The following CNPY3 variants were observed in gnomAD, a reference collection of about 807,000 sequenced individuals.
CNPY3 encodes canopy FGF signaling regulator 3.
Under a neutral mutation model 32.0 loss-of-function variants are expected in CNPY3, and 20 were observed. The observed-to-expected ratio is 0.63, with a 90% CI of 0.44 to 0.91. The LOEUF (loss-of-function observed/expected upper bound fraction) is 0.91, where lower values mean the gene tolerates loss of function less well. Among genes scored for constraint, CNPY3 ranks in the 40% least tolerant of loss-of-function variants. The pLI is 0.00. For missense variants in CNPY3, 299 were observed against 340.8 expected (o/e 0.88, Z 0.97); for synonymous variants, 138 against 142.9 (o/e 0.97, Z 0.24).
At chr6:42,931,653 A>G (rs1680340822) in intron 1 of CNPY3, among the ~76,000 whole-genome samples, 1 of 150,764 alleles carries the variant, frequency 6.6e-6, no homozygotes, top group Admixed American at 6.6e-5. Context: ...GAGCCACTGC[A>G]CCCAGCCCAG....
In CNPY3 at chr6:42,935,639, A is replaced by C; in HGVS notation, c.341A>C (p.Lys114Thr). The change falls in exon 3 of 6, where the codon AAG becomes ACG. Residue 114 changes from lysine (K) to threonine (T), a missense_variant. By Grantham distance (78) the Lys-to-Thr change is moderately conservative. This residue lies in a region of CNPY3 where 211 missense variants were observed against 278.3 expected (regional missense o/e 0.76). Coordinates refer to ENST00000372836, the MANE Select transcript of CNPY3 (RefSeq NM_006586.5). ...CKRLLDYSLHKERTGSNRFAK... is the reference protein window; with the variant it reads ...CKRLLDYSLHTERTGSNRFAK... ...AGGCTCCTGGATTATAGCCTGCACA[A>C]GGAGAGGACCGGCAGCAATCGATTT... 6.2e-7 allele frequency: 1 copy of C among 1,612,160 alleles called. No homozygotes were observed. Among genetic ancestry groups the C allele is most frequent in the Non-Finnish European group, 8.5e-7 (1 of 1,178,418 alleles).
chr6:42,929,505 A>G lies in CNPY3; in HGVS notation c.-66A>G. 3 of 1,477,658 alleles carry G rather than the reference A, an allele frequency of 2.0e-6. No individual in the cohort carries two copies. The highest frequency in any genetic ancestry group is 2.7e-6 in the Non-Finnish European group (3 of 1,108,134). The allele number at this position is 1,477,658 out of a possible 1,614,324, so 91.5% of individuals were successfully genotyped here. A position where few individuals can be genotyped will look rare whatever the true frequency, so the allele number is the denominator to read the frequency against. On this transcript the variant is annotated 5_prime_UTR_variant, in exon 1 of 6. Transcript: ENST00000372836. ...GCAGTCCCGGAAGCGGCGAGGGGAAACTGCTCCGCGCGCGCCGCGGGAGGA... is the reference window on the plus strand; with the variant it reads ...GCAGTCCCGGAAGCGGCGAGGGGAAGCTGCTCCGCGCGCGCCGCGGGAGGA...
Position 42,939,126 on chromosome 6 carries a change from A to G in CNPY3, c.*335A>G, listed in dbSNP as rs1768437284. 1.8e-6 allele frequency: 2 copies of G among 1,106,066 alleles called. No individual in the cohort carries two copies. Among genetic ancestry groups the G allele is most frequent in the Non-Finnish European group, 2.2e-6 (2 of 906,700 alleles). The allele number at this position is 1,106,066 out of a possible 1,614,324, so 68.5% of individuals were successfully genotyped here. On this transcript the variant is annotated 3_prime_UTR_variant, in exon 6 of 6. Transcript: ENST00000372836. ...GGAGCCCCCTCCGGAGACCAAACTC[A>G]CCATCCCTCAGTCCTCCCCAACAGG...
At position 42,934,538 on chromosome 6, in the gene CNPY3, T is replaced by C. The variant is rs1224315926; in HGVS notation, c.215T>C (p.Val72Ala). 1.2e-6 allele frequency: 2 copies of C among 1,613,832 alleles called. No individual in the cohort carries two copies. The highest frequency in any genetic ancestry group is 1.1e-5 in the South Asian group (1 of 91,060). ...AFEETGKTKE[V>A]IGTGYGILDQ... ...GAGGAAACCGGCAAGACCAAGGAGG[T>C]GATTGGCACGGGCTATGGCATCCTG... Residue 72 changes from valine to alanine, a missense_variant, in exon 2 of 6, where the codon GTG (valine) becomes GCG (alanine). Physicochemically the swap from Val to Ala is moderately conservative, Grantham distance 64 (BLOSUM62 0). This residue lies in a region of CNPY3 where 211 missense variants were observed against 278.3 expected (regional missense o/e 0.76). Coordinates refer to ENST00000372836, the MANE Select transcript of CNPY3 (RefSeq NM_006586.5).
chr6:42,929,396 G>T (rs1477483112), upstream of CNPY3: 1 of 689,428 alleles, frequency 1.5e-6, no homozygotes, highest in Non-Finnish European at 2.4e-6. Context: ...CGCGGGCCTT[G>T]GTCCGCTTTG....
upstream of CNPY3, among the ~76,000 whole-genome samples, chr6:42,928,778 A>C (rs930107256): frequency 2.0e-4 from 30 of 152,336 alleles, no homozygotes; most frequent in African/African-American, 7.2e-4. Flanking sequence ...TTAATGCCTG[A>C]ACTTTTTACA....
At chr6:42,937,019 GT>G (rs1768281425) in intron 3 of CNPY3, among the ~76,000 whole-genome samples, 1 of 152,140 alleles carries the variant, frequency 6.6e-6, no homozygotes, top group Admixed American at 6.6e-5. Context: ...AGCAGAGATA[GT>G]TTTTACAGAA....
upstream of CNPY3, among the ~76,000 whole-genome samples, chr6:42,928,441 G>A (rs1328697989): frequency 6.6e-6 from 1 of 151,186 alleles, no homozygotes; most frequent in Non-Finnish European, 1.5e-5. Flanking sequence ...ACGGCGCCTG[G>A]CCTTTTTCTT....
chr6:42,931,746 C>T (rs747807973), intron 1 of CNPY3, among the ~76,000 whole-genome samples: 10 of 151,116 alleles, frequency 6.6e-5, no homozygotes, highest in African/African-American at 9.7e-5. Flanking sequence ...TTTTTTGAGA[C>T]GGAGTCTTGC....
chr6:42,938,297 C>T (rs1387201384), intron 5 of CNPY3, 90 bp downstream of exon 5: 1 of 1,002,364 alleles, frequency 1.0e-6, no homozygotes, highest in African/African-American at 1.6e-5. Flanking sequence ...ACAGAGGGCA[C>T]CAGAGGGCAT....
intron 5 of CNPY3, 81 bp from the exon 6 acceptor site, chr6:42,938,487 C>T (rs1470083696): frequency 5.1e-5 from 68 of 1,339,040 alleles, no homozygotes; most frequent in Middle Eastern, 2.1e-4. Context: ...GCTACTCCCA[C>T]GGCTCCCTGC....
Position 42,939,110 on chromosome 6 carries a change from T to C in CNPY3, c.*319T>C. The C allele has an allele frequency of 8.8e-7, 1 of 1,133,888 alleles. No homozygotes were observed. Among genetic ancestry groups the C allele is most frequent in the Non-Finnish European group, 1.1e-6 (1 of 924,164 alleles). The allele number at this position is 1,133,888 out of a possible 1,614,324, so 70.2% of individuals were successfully genotyped here. A position where few individuals can be genotyped will look rare whatever the true frequency, so the allele number is the denominator to read the frequency against. ...ACTGGGCACCAGGACTGGAGCCCCC[T>C]CCGGAGACCAAACTCACCATCCCTC... is the stretch of plus-strand genomic sequence containing the variant. On this transcript the variant is annotated 3_prime_UTR_variant, in exon 6 of 6. Transcript: ENST00000372836.
intron 3 of CNPY3, among the ~76,000 whole-genome samples, chr6:42,936,696 C>A (rs111797278): frequency 6.6e-6 from 1 of 152,038 alleles, no homozygotes; most frequent in Non-Finnish European, 1.5e-5. Flanking sequence ...CCACCACGCC[C>A]GACTAATTTT....
chr6:42,928,757 C>G (rs1268572202), upstream of CNPY3, among the ~76,000 whole-genome samples: 1 of 152,106 alleles, frequency 6.6e-6, no homozygotes, highest in Non-Finnish European at 1.5e-5. Context: ...GGATTACATA[C>G]AAAAAGAAAA....
At chr6:42,932,108 T>G (rs1767871991) in intron 1 of CNPY3, among the ~76,000 whole-genome samples, 1 of 152,156 alleles carries the variant, frequency 6.6e-6, no homozygotes, top group African/African-American at 2.4e-5. Flanking sequence ...TTTATTCTCC[T>G]TAGGCAACAT....
chr6:42,937,451 G>A (rs945334633), intron 3 of CNPY3, among the ~76,000 whole-genome samples: 4 of 152,052 alleles, frequency 2.6e-5, no homozygotes, highest in East Asian at 1.9e-4. Context: ...AAAATTAGCC[G>A]GGTATGGTGG....
rs781025064 is a variant in CNPY3, at chr6:42,937,780, G to T, written c.436G>T (p.Asp146Tyr). The part of the protein sequence containing the change: ...LVHKGVKVVM[D>Y]IPYELWNETS... ...ACACAAAGGGGTCAAGGTGGTGATG[G>T]ACATCCCCTATGAGCTGTGGAACGA... Residue 146 changes from aspartate to tyrosine, a missense_variant, in exon 4 of 6, where the codon GAC becomes TAC. Coordinates refer to ENST00000372836, the MANE Select transcript of CNPY3 (RefSeq NM_006586.5). The T allele has an allele frequency of 6.2e-7, 1 of 1,614,074 alleles. No individual in the cohort carries two copies. The highest frequency in any genetic ancestry group is 1.1e-5 in the South Asian group (1 of 91,084).
Position 42,937,797 on chromosome 6 carries a change from G to A in CNPY3, c.453G>A (p.Leu151=). The A allele has an allele frequency of 6.2e-7, 1 of 1,614,160 alleles. No homozygotes were observed. The highest frequency in any genetic ancestry group is 8.5e-7 in the Non-Finnish European group (1 of 1,180,014). The change falls in exon 4 of 6, where the codon CTG becomes CTA. Residue 151 remains leucine (L), a synonymous_variant. Coordinates refer to ENST00000372836, the MANE Select transcript of CNPY3 (RefSeq NM_006586.5). ...TGGTGATGGACATCCCCTATGAGCTGTGGAACGAGACTTCTGCAGAGGTGG... is the reference window on the plus strand; with the variant it reads ...TGGTGATGGACATCCCCTATGAGCTATGGAACGAGACTTCTGCAGAGGTGG... ...VKVVMDIPYE[L]WNETSAEVAD...
rs2114186070 is a variant in CNPY3, at chr6:42,938,835, T to G, written c.*44T>G. On this transcript the variant is annotated 3_prime_UTR_variant, in exon 6 of 6. Transcript: ENST00000372836. Reference sequence around the variant, plus strand: ...GTCCTGAGACCCCTGATTTTGAAGCTGAGGAGTCAGGGGCATGGCTCTGGC... The same window carrying G: ...GTCCTGAGACCCCTGATTTTGAAGCGGAGGAGTCAGGGGCATGGCTCTGGC... 6.6e-7 allele frequency: 1 copy of G among 1,518,644 alleles called. No homozygotes were observed. The highest frequency in any genetic ancestry group is 1.3e-5 in the South Asian group (1 of 76,982). 94.1% of individuals were successfully genotyped at this position (1,518,644 alleles called of 1,614,324 possible). A position where few individuals can be genotyped will look rare whatever the true frequency, so the allele number is the denominator to read the frequency against.
Sources: gnomAD v4.1 joint callset for allele counts (sites outside exome capture counted in the v4.1 genomes callset) on GRCh38, gnomAD v4.1.1 for gene constraint, gnomAD v4.1.1 regional missense constraint, MANE v1.5 for transcripts, NCBI Gene and HGNC (gene_info 2026-07-23, HGNC 2026-07-21) for gene names.